PACSIN2: variants seen among roughly 807,000 people sequenced by gnomAD.
PACSIN2 encodes protein kinase C and casein kinase substrate in neurons 2.
A neutral mutation model predicts 63.8 loss-of-function variants in PACSIN2; 25 were observed. The ratio of observed to expected loss-of-function variants is 0.39; its 90% CI spans 0.29 to 0.55. The LOEUF (loss-of-function observed/expected upper bound fraction) is 0.55, where lower values mean the gene tolerates loss of function less well. PACSIN2 is among the 20% of genes least tolerant of loss of function. The pLI, the probability that PACSIN2 is intolerant of heterozygous loss-of-function variation, is 0.62. For synonymous variants in PACSIN2, 255 were observed against 256.2 expected (o/e 1.00, Z 0.05); for missense variants, 518 against 646.9 (o/e 0.80, Z 2.16).
At chr22:42,938,107 A>C (rs1343364545) in intron 1 of PACSIN2, among the ~76,000 whole-genome samples, 2 of 152,218 alleles carry the variant, frequency 1.3e-5, no homozygotes, top group Admixed American at 1.3e-4. Context: ...GCAAAATTTA[A>C]AATCTTTTTG....
At chr22:42,978,036 C>A (rs1158034863) in intron 1 of PACSIN2, among the ~76,000 whole-genome samples, 1 of 152,214 alleles carries the variant, frequency 6.6e-6, no homozygotes, top group Non-Finnish European at 1.5e-5. Context: ...GACATAACTA[C>A]TAAAAACTAC....
At chr22:42,961,877 C>G (rs1934148841) in intron 1 of PACSIN2, among the ~76,000 whole-genome samples, 1 of 152,190 alleles carries the variant, frequency 6.6e-6, no homozygotes, top group African/African-American at 2.4e-5. Context: ...ATTTACACTA[C>G]TTGAGAAATT....
intron 1 of PACSIN2, among the ~76,000 whole-genome samples, chr22:42,972,355 G>T (rs1313674947): frequency 6.6e-6 from 1 of 152,108 alleles, no homozygotes; most frequent in Non-Finnish European, 1.5e-5. Context: ...AGTACCCAGG[G>T]ACATAAACAT....
intron 9 of PACSIN2, 103 bp from the exon 10 acceptor site, chr22:42,876,436 T>C: frequency 4.3e-6 from 4 of 927,658 alleles, no homozygotes; most frequent in Non-Finnish European, 6.6e-6. Flanking sequence ...GGCTCAGGGC[T>C]GAGGGCTCCT....
chr22:42,914,095 T>A (rs181148321), intron 1 of PACSIN2, among the ~76,000 whole-genome samples: 5 of 152,364 alleles, frequency 3.3e-5, no homozygotes, highest in Non-Finnish European at 7.3e-5. Flanking sequence ...CAGGCTCTCA[T>A]GGAGAGAACT....
rs375975538 is a variant in PACSIN2, at chr22:42,912,003, A to T, written c.60+18T>A. 6.9e-5 allele frequency: 109 copies of T among 1,588,124 alleles called. 1 individual carries two copies. The African/African-American group carries it at 1.4e-3, about 20-fold the overall frequency. On this transcript the variant is annotated intron_variant, in intron 2 of 10. Transcript: ENST00000263246. ...TGGCCTGGCCACTTCATTCACTGGAAGAAAGCAGGTGCATTACCTCCCAGA... is the reference window on the plus strand; with the variant it reads ...TGGCCTGGCCACTTCATTCACTGGATGAAAGCAGGTGCATTACCTCCCAGA...
At position 42,986,120 on chromosome 22, in the gene PACSIN2, AG is replaced by A. The variant is rs1251402981; in HGVS notation, c.-78+28900del. ...ATTTCCCTTTCCCCAGAATTAACAC[AG>A]AAACAGTAAGCATTAGGCAAGGGAA... On this transcript the variant is annotated intron_variant, in intron 1 of 10. Transcript: ENST00000263246. Among the ~76,000 whole-genome samples the A allele has an allele frequency of 2.0e-5, 3 of 152,238 alleles. No homozygotes were observed. In the East Asian group the frequency reaches 5.8e-4, roughly 29 times the overall value.
intron 1 of PACSIN2, among the ~76,000 whole-genome samples, chr22:42,986,298 G>T (rs997984704): frequency 1.3e-5 from 2 of 152,234 alleles, no homozygotes; most frequent in Non-Finnish European, 1.5e-5. Context: ...GGGCTGCAGT[G>T]TGGTCAGCGA....
At chr22:42,901,015 C>T (rs1930647832) in intron 2 of PACSIN2, among the ~76,000 whole-genome samples, 1 of 152,172 alleles carries the variant, frequency 6.6e-6, no homozygotes, top group Non-Finnish European at 1.5e-5. Flanking sequence ...CTGCTCCTGT[C>T]CCCACCATAT....
At chr22:43,011,622 G>C (rs977493035) in intron 1 of PACSIN2, among the ~76,000 whole-genome samples, 2 of 152,176 alleles carry the variant, frequency 1.3e-5, no homozygotes, top group African/African-American at 4.8e-5. Flanking sequence ...AGAAACAAAA[G>C]GCAAGGACAT....
chr22:42,980,466 C>A (rs1373059453), intron 1 of PACSIN2, among the ~76,000 whole-genome samples: 1 of 142,454 alleles, frequency 7.0e-6, no homozygotes, highest in Non-Finnish European at 1.5e-5. Flanking sequence ...AAACAAACAA[C>A]CCTCTCCCTC....
chr22:42,871,298 G>T lies in PACSIN2; in HGVS notation c.*59C>A. ...AGGAAAAGGAGTGGATGCCCACGTG[G>T]CTGGCTGAGGCTCCTGGGCCCGCCG... On this transcript the variant is annotated 3_prime_UTR_variant, in exon 11 of 11. Transcript: ENST00000263246. The surrounding 1 kb of genome is among the most constrained non-coding windows in gnomAD (Gnocchi z 5.4). The T allele has an allele frequency of 1.9e-6, 2 of 1,036,296 alleles. No individual in the cohort carries two copies. Among genetic ancestry groups the T allele is most frequent in the Non-Finnish European group, 3.0e-6 (2 of 655,832 alleles). The allele number at this position is 1,036,296 out of a possible 1,614,324, so 64.2% of individuals were successfully genotyped here.
chr22:42,954,371 C>G (rs2056946), intron 1 of PACSIN2, among the ~76,000 whole-genome samples: 48,702 of 152,138 alleles, frequency 0.32, 9,240 homozygotes, highest in Non-Finnish European at 0.43. Context: ...GCTATTAACA[C>G]TTAAAAAGTA....
At chr22:42,886,415 TGTAG>T (rs78395694) in intron 5 of PACSIN2, among the ~76,000 whole-genome samples, 4,702 of 144,952 alleles carry the variant, frequency 0.032, 221 homozygotes, top group African/African-American at 0.11. Context: ...ATGGTATGTA[TGTAG>T]GTAGGTAGGT....
chr22:42,894,293 T>C (rs977344512), intron 2 of PACSIN2, among the ~76,000 whole-genome samples: 3 of 151,536 alleles, frequency 2.0e-5, no homozygotes, highest in African/African-American at 7.3e-5. Flanking sequence ...CAGGCTGGAG[T>C]GCAGTGGCAC....
intron 1 of PACSIN2, among the ~76,000 whole-genome samples, chr22:42,912,778 G>A (rs767703798): frequency 1.3e-5 from 2 of 152,192 alleles, no homozygotes; most frequent in Non-Finnish European, 2.9e-5. Flanking sequence ...TTGCTAGTGT[G>A]ATGACCTGTC....
At chr22:42,884,680 T>G in intron 5 of PACSIN2, 119 bp from the exon 6 acceptor site, 2 of 717,792 alleles carry the variant, frequency 2.8e-6, no homozygotes, top group Non-Finnish European at 4.6e-6. Flanking sequence ...ACAGGAGCTC[T>G]GGATTCTGAC....
At chr22:42,939,089 C>T (rs185497202) in intron 1 of PACSIN2, among the ~76,000 whole-genome samples, 7 of 152,318 alleles carry the variant, frequency 4.6e-5, no homozygotes, top group East Asian at 1.9e-4. Context: ...CCCGTCCCAG[C>T]GCAGCCCATC....
intron 5 of PACSIN2, among the ~76,000 whole-genome samples, chr22:42,885,425 G>C (rs1016343347): frequency 6.6e-6 from 1 of 152,124 alleles, no homozygotes; most frequent in Admixed American, 6.5e-5. Context: ...CCTATTTATT[G>C]CAATTCTTTC....
Sources: allele counts gnomAD v4.1 joint callset (sites outside exome capture counted in the v4.1 genomes callset), GRCh38; gene constraint gnomAD v4.1.1; non-coding constraint Gnocchi (gnomAD v3.1); transcripts MANE v1.5; gene names NCBI Gene and HGNC (gene_info 2026-07-23, HGNC 2026-07-21).